The following PTTG1IP2 variants were observed in gnomAD, a reference collection of about 807,000 sequenced individuals.
The protein encoded by PTTG1IP2 is PTTG1IP family member 2.
chr7:90,490,304 C>T (rs1797923414), intron 4 of PTTG1IP2, among the ~76,000 whole-genome samples: 1 of 151,792 alleles, frequency 6.6e-6, no homozygotes, highest in South Asian at 2.1e-4. Context: ...TCAGATTGTA[C>T]ACTTTTTATA....
At chr7:90,505,990 CAAAAAAAAAAAAAAAAAAA>C (rs59521168) in intron 6 of PTTG1IP2, among the ~76,000 whole-genome samples, 1 of 77,356 alleles carries the variant, frequency 1.3e-5, no homozygotes, top group Non-Finnish European at 2.4e-5. Flanking sequence ...GACTCCGTCT[CAAAAAAAAAAAAAAAAAAA>C]AAAAAAAAAA....
intron 4 of PTTG1IP2, among the ~76,000 whole-genome samples, chr7:90,489,477 T>A (rs908897734): frequency 1.3e-5 from 2 of 151,884 alleles, no homozygotes; most frequent in Non-Finnish European, 3.0e-5. Flanking sequence ...ATTTAATTCC[T>A]TGTTTCTATG....
At chr7:90,474,766 T>C (rs1202185637) in intron 1 of PTTG1IP2, among the ~76,000 whole-genome samples, 1 of 152,174 alleles carries the variant, frequency 6.6e-6, no homozygotes, top group Non-Finnish European at 1.5e-5. Context: ...CCTATATACA[T>C]ACACCTAAAT....
chr7:90,483,183 G>A (rs909400864), intron 2 of PTTG1IP2, among the ~76,000 whole-genome samples: 59 of 152,212 alleles, frequency 3.9e-4, no homozygotes, highest in Middle Eastern at 3.4e-3. Flanking sequence ...AACCAGTATC[G>A]TGGATTATTT....
At chr7:90,511,189 A>G (rs1051827909) in intron 6 of PTTG1IP2, among the ~76,000 whole-genome samples, 7 of 152,070 alleles carry the variant, frequency 4.6e-5, no homozygotes, top group African/African-American at 1.4e-4. Context: ...TCAAGAGTCA[A>G]CTTTCATAAC....
Position 90,490,713 on chromosome 7 carries a change from T to C in PTTG1IP2, c.381-1526T>C, listed in dbSNP as rs549265421. ...ATTTTTTAAATATATATTTTCTTCT[T>C]AGGATCCTAGCTCCTTGTAAGTGTC... On this transcript the variant is annotated intron_variant, in intron 4 of 6. Coordinates refer to ENST00000509356, the MANE Select transcript of PTTG1IP2 (RefSeq NM_001365443.2). Among the ~76,000 whole-genome samples, 3 of 152,306 alleles carry C rather than the reference T, an allele frequency of 2.0e-5. No homozygotes were observed. In the East Asian group the frequency reaches 5.8e-4, roughly 29 times the overall value.
intron 1 of PTTG1IP2, among the ~76,000 whole-genome samples, chr7:90,473,124 C>T (rs183820719): frequency 1.3e-5 from 2 of 152,312 alleles, no homozygotes; most frequent in African/African-American, 4.8e-5. Context: ...GAAGAAGTAT[C>T]TTAGCAAATG....
Position 90,508,444 on chromosome 7 carries a change from C to A in PTTG1IP2, c.*51-4834C>A, listed in dbSNP as rs149561037. On this transcript the variant is annotated intron_variant, in intron 6 of 6. Coordinates refer to ENST00000509356, the MANE Select transcript of PTTG1IP2 (RefSeq NM_001365443.2). ...CAAGAATGTACAGTTTATCAACAGGCAGATTGGAGCTGCTAGGGGAGGAAA... is the reference window on the plus strand; with the variant it reads ...CAAGAATGTACAGTTTATCAACAGGAAGATTGGAGCTGCTAGGGGAGGAAA... 5.4e-3 allele frequency among the ~76,000 whole-genome samples: 817 copies of A among 152,060 alleles called. 8 individuals carry two copies. Among genetic ancestry groups the A allele is most frequent in the African/African-American group, 0.019 (783 of 41,456 alleles).
chr7:90,492,721 C>A (rs1396786346), intron 5 of PTTG1IP2, among the ~76,000 whole-genome samples: 2 of 152,076 alleles, frequency 1.3e-5, no homozygotes, highest in Non-Finnish European at 2.9e-5. Flanking sequence ...CCAACCCAGT[C>A]GGAGATATTC....
intron 4 of PTTG1IP2, among the ~76,000 whole-genome samples, chr7:90,491,840 A>C (rs2116086187): frequency 6.6e-6 from 1 of 152,330 alleles, no homozygotes; most frequent in Middle Eastern, 3.4e-3. Context: ...ATGATAAAAT[A>C]TTGCATAAGA....
chr7:90,474,121 G>C (rs1382373589), intron 1 of PTTG1IP2, among the ~76,000 whole-genome samples: 1 of 152,168 alleles, frequency 6.6e-6, no homozygotes, highest in South Asian at 2.1e-4. Context: ...ACCTAGGCTA[G>C]ATTAGCCTAT....
At chr7:90,481,303 T>A (rs901145772) in intron 2 of PTTG1IP2, among the ~76,000 whole-genome samples, 2 of 152,204 alleles carry the variant, frequency 1.3e-5, no homozygotes, top group Non-Finnish European at 2.9e-5. Flanking sequence ...TTAACGGCAC[T>A]GGACCCACAT....
intron 5 of PTTG1IP2, among the ~76,000 whole-genome samples, chr7:90,493,676 A>G (rs1041756542): frequency 5.3e-5 from 8 of 152,208 alleles, no homozygotes; most frequent in Non-Finnish European, 8.8e-5. Flanking sequence ...AGAGAGCCCA[A>G]TGGGAATGCC....
rs554466635 is a variant in PTTG1IP2 at position 90,487,362 on chromosome 7, A to G, written c.228A>G (p.Lys76=). 4 of 152,724 alleles carry G rather than the reference A, an allele frequency of 2.6e-5. No homozygotes were observed. The highest frequency in any genetic ancestry group is 7.2e-5 in the African/African-American group (3 of 41,554). 9.5% of individuals were successfully genotyped at this position (152,724 alleles called of 1,614,324 possible). ...VWCSEEKACK[K]YCFPYFGCRF... is the part of the protein sequence containing the mutation. ...GTAGTGAAGAAAAAGCATGCAAAAA[A>G]TACTGTTTTCCCTATTTCGGTTGTC... The change falls in exon 3 of 7, where the codon AAA becomes AAG. Residue 76 remains lysine (K), a synonymous_variant. Coordinates refer to ENST00000509356, the MANE Select transcript of PTTG1IP2 (RefSeq NM_001365443.2).
intron 6 of PTTG1IP2, among the ~76,000 whole-genome samples, chr7:90,508,440 C>T (rs1282467853): frequency 6.6e-6 from 1 of 152,062 alleles, no homozygotes; most frequent in Non-Finnish European, 1.5e-5. Flanking sequence ...AGTTTATCAA[C>T]AGGCAGATTG....
chr7:90,512,562 G>A (rs11563855), intron 6 of PTTG1IP2, among the ~76,000 whole-genome samples: 6,299 of 152,200 alleles, frequency 0.041, 281 homozygotes, highest in East Asian at 0.13. Context: ...ATTATGTCAG[G>A]ATTTATTGGC....
In PTTG1IP2 at chr7:90,482,870, G is replaced by A. The variant is rs140422990; in HGVS notation, c.192+3596G>A. Among the ~76,000 whole-genome samples the A allele has an allele frequency of 2.8e-3, 420 of 152,224 alleles. 1 individual carries two copies. Among genetic ancestry groups the A allele is most frequent in the African/African-American group, 9.4e-3 (391 of 41,526 alleles). On this transcript the variant is annotated intron_variant, in intron 2 of 6. Coordinates refer to ENST00000509356, the MANE Select transcript of PTTG1IP2 (RefSeq NM_001365443.2). ...GGATGGTTGGTTGAGACAAAAAGGC[G>A]TCAAGTTACAGCAAGCCCAGTGGGA... is the stretch of plus-strand genomic sequence containing the variant.
intron 1 of PTTG1IP2, among the ~76,000 whole-genome samples, chr7:90,473,866 A>G (rs1797717587): frequency 6.6e-6 from 1 of 152,226 alleles, no homozygotes; most frequent in African/African-American, 2.4e-5. Flanking sequence ...CAATTTCCTT[A>G]TCAGTAAAAT....
At chr7:90,479,989 C>G (rs1797797307) in intron 2 of PTTG1IP2, among the ~76,000 whole-genome samples, 1 of 152,184 alleles carries the variant, frequency 6.6e-6, no homozygotes, top group Non-Finnish European at 1.5e-5. Context: ...CACTCGTCTA[C>G]TTTAATGAGG....
Sources: allele counts gnomAD v4.1 joint callset (sites outside exome capture counted in the v4.1 genomes callset), GRCh38; gene constraint gnomAD v4.1.1; transcripts MANE v1.5; gene names NCBI Gene and HGNC (gene_info 2026-07-23, HGNC 2026-07-21).